The following NRXN3 variants were observed in gnomAD, a reference collection of about 807,000 sequenced individuals.
NRXN3 encodes the protein neurexin III.
Under a neutral mutation model 137.6 loss-of-function variants are expected in NRXN3, and 32 were observed. The observed-to-expected ratio is 0.23, with a 90% CI of 0.18 to 0.31. The LOEUF (loss-of-function observed/expected upper bound fraction) is 0.31. Ranked by LOEUF, NRXN3 falls within the 10% of genes least tolerant of loss-of-function variation. The probability of loss-of-function intolerance (pLI) is 1.00; values close to 1 mark genes in which losing one functional copy is unlikely to be tolerated. For synonymous variants in NRXN3, 798 were observed against 784.5 expected (o/e 1.02, Z -0.29); for missense variants, 1,574 against 2,062.5 (o/e 0.76, Z 4.59).
intron 16 of NRXN3, among the ~76,000 whole-genome samples, chr14:79,571,550 C>T (rs756857257): frequency 5.9e-5 from 9 of 152,112 alleles, no homozygotes; most frequent in South Asian, 2.1e-4. Flanking sequence ...AGGGAGCTTC[C>T]GCAATGAATG....
At chr14:79,482,560 T>C (rs2096619153) in intron 16 of NRXN3, among the ~76,000 whole-genome samples, 1 of 152,222 alleles carries the variant, frequency 6.6e-6, no homozygotes, top group Admixed American at 6.5e-5. Flanking sequence ...TTCTTTTTTC[T>C]TGAAATGACT....
chr14:78,437,440 C>T (rs1452555280), intron 4 of NRXN3, among the ~76,000 whole-genome samples: 1 of 151,886 alleles, frequency 6.6e-6, no homozygotes, highest in Non-Finnish European at 1.5e-5. Flanking sequence ...CCTCTGCCTC[C>T]TGGGTTCAAG....
At chr14:79,202,846 G>A (rs1473456622) in intron 15 of NRXN3, among the ~76,000 whole-genome samples, 1 of 152,140 alleles carries the variant, frequency 6.6e-6, no homozygotes, top group Non-Finnish European at 1.5e-5. Flanking sequence ...AAACATGTGT[G>A]TGCAAGAATC....
chr14:78,350,784 T>A (rs1232278247), intron 4 of NRXN3, among the ~76,000 whole-genome samples: 1 of 152,078 alleles, frequency 6.6e-6, no homozygotes. Context: ...GAGGGAACAA[T>A]GTAGACATAT....
intron 15 of NRXN3, among the ~76,000 whole-genome samples, chr14:79,395,534 C>T (rs954868419): frequency 1.1e-4 from 16 of 149,568 alleles, no homozygotes; most frequent in African/African-American, 3.2e-4. Context: ...TGAGGCCGGG[C>T]GTGGTGGCTC....
intron 16 of NRXN3, among the ~76,000 whole-genome samples, chr14:79,607,047 T>C (rs141177523): frequency 2.7e-4 from 41 of 152,366 alleles, no homozygotes; most frequent in Middle Eastern, 3.4e-3. Context: ...CCTATGTGTA[T>C]GTGTGCATGC....
At position 78,297,820 on chromosome 14, in the gene NRXN3, C is replaced by G. The variant is rs2076496088; in HGVS notation, c.728-11C>G. On this transcript the variant is annotated splice_polypyrimidine_tract_variant and intron_variant, in intron 3 of 20. Coordinates refer to ENST00000335750, the MANE Select transcript of NRXN3 (RefSeq NM_001330195.2). ...ACTCCTCTTCCCTTTCTCCCTGTTT[C>G]TCTTCCTCAGGCCTCTCCCACCTCA... 2 of 1,533,148 alleles carry G rather than the reference C, an allele frequency of 1.3e-6. No homozygotes were observed. The highest frequency in any genetic ancestry group is 2.0e-5 in the Admixed American group (1 of 50,980). The allele number at this position is 1,533,148 out of a possible 1,614,324, so 95.0% of individuals were successfully genotyped here.
intron 4 of NRXN3, among the ~76,000 whole-genome samples, chr14:78,488,933 G>T (rs1334331282): frequency 6.6e-6 from 1 of 152,092 alleles, no homozygotes; most frequent in African/African-American, 2.4e-5. Flanking sequence ...AGAGAAATTA[G>T]TGTAGGTAGC....
intron 15 of NRXN3, among the ~76,000 whole-genome samples, chr14:79,004,647 G>T (rs1354795725): frequency 3.3e-5 from 5 of 152,122 alleles, no homozygotes; most frequent in African/African-American, 1.2e-4. Flanking sequence ...TTGTTTGATG[G>T]TATATGTTTT....
intron 15 of NRXN3, among the ~76,000 whole-genome samples, chr14:79,283,727 C>T (rs1030857496): frequency 6.6e-6 from 1 of 151,746 alleles, no homozygotes; most frequent in Non-Finnish European, 1.5e-5. Flanking sequence ...CTGTTAGAGT[C>T]CTCACCCCAC....
intron 9 of NRXN3, among the ~76,000 whole-genome samples, chr14:78,809,913 T>C (rs1479689833): frequency 6.6e-6 from 1 of 151,934 alleles, no homozygotes; most frequent in Non-Finnish European, 1.5e-5. Flanking sequence ...GAAAATAGAA[T>C]ATAACCTGCA....
intron 16 of NRXN3, among the ~76,000 whole-genome samples, chr14:79,651,623 T>G (rs1255088966): frequency 6.6e-6 from 1 of 152,016 alleles, no homozygotes; most frequent in Non-Finnish European, 1.5e-5. Flanking sequence ...ATGGAGAGAT[T>G]GTGGGATAAT....
rs1053084704 is a variant in NRXN3, at chr14:78,873,829, C to A, written c.2275+63485C>A. Among the ~76,000 whole-genome samples the A allele has an allele frequency of 4.6e-5, 7 of 151,990 alleles. No individual in the cohort carries two copies. The East Asian group carries it at 1.4e-3, about 29-fold the overall frequency. The stretch of plus-strand genomic sequence containing the variant: ...AACACAATCTACGTTTTAATGAGGT[C>A]CCCAGGGTAGTCTTAAAATTGGTCC... On this transcript the variant is annotated intron_variant, in intron 10 of 20. Coordinates refer to ENST00000335750, the MANE Select transcript of NRXN3 (RefSeq NM_001330195.2).
intron 4 of NRXN3, among the ~76,000 whole-genome samples, chr14:78,627,959 C>A (rs1388388381): frequency 6.6e-6 from 1 of 152,078 alleles, no homozygotes; most frequent in African/African-American, 2.4e-5. Flanking sequence ...TCCAAATAGC[C>A]TATGCAAAAA....
rs77102526 is a variant in NRXN3 at position 78,621,946 on chromosome 14, C to T, written c.758-23174C>T. On this transcript the variant is annotated intron_variant, in intron 4 of 20. Transcript: ENST00000335750. ...TAGAGGGTATTAGTACCTATTAGTA[C>T]CTTACTACCTATTAGTAAGGTAATA... 3.9e-3 allele frequency among the ~76,000 whole-genome samples: 592 copies of T among 152,262 alleles called. 5 individuals carry two copies. The highest frequency in any genetic ancestry group is 0.013 in the African/African-American group (541 of 41,556).
At chr14:79,235,012 TA>T (rs1016556908) in intron 15 of NRXN3, among the ~76,000 whole-genome samples, 106 of 152,092 alleles carry the variant, frequency 7.0e-4, no homozygotes, top group African/African-American at 2.5e-3. Context: ...CTATTTTAAA[TA>T]ATTTTTAAAA....
chr14:79,486,159 A>G (rs74068696), intron 16 of NRXN3, among the ~76,000 whole-genome samples: 2,529 of 152,284 alleles, frequency 0.017, 84 homozygotes, highest in African/African-American at 0.059. Context: ...GCTCTAGTCC[A>G]GGTCATTCTG....
intron 20 of NRXN3, chr14:79,854,335 C>T (rs2141817007): frequency 5.6e-6 from 1 of 178,300 alleles, no homozygotes; most frequent in East Asian, 1.9e-4. Flanking sequence ...TTTACTTTTT[C>T]TTTCCATTCT....
At chr14:79,694,361 G>T (rs77907551) in intron 18 of NRXN3, among the ~76,000 whole-genome samples, 4,665 of 152,022 alleles carry the variant, frequency 0.031, 95 homozygotes, top group Non-Finnish European at 0.044. Flanking sequence ...ATGTGAACTT[G>T]ATGTCCAAAT....
Sources: allele counts gnomAD v4.1 joint callset (sites outside exome capture counted in the v4.1 genomes callset), GRCh38; gene constraint gnomAD v4.1.1; transcripts MANE v1.5; gene names NCBI Gene and HGNC (gene_info 2026-07-23, HGNC 2026-07-21).